LRRTM4: variants seen among roughly 807,000 people sequenced by gnomAD.
The protein encoded by LRRTM4 is leucine rich repeat transmembrane neuronal 4.
A neutral mutation model predicts 47.6 loss-of-function variants in LRRTM4; 25 were observed. The ratio of observed to expected loss-of-function variants is 0.53; its 90% confidence interval spans 0.38 to 0.73. LRRTM4 has a LOEUF of 0.73. LRRTM4 is among the 30% of genes least tolerant of loss of function. The pLI, the probability that LRRTM4 is intolerant of heterozygous loss-of-function variation, is 0.00. For missense variants in LRRTM4, 638 were observed against 713.4 expected (o/e 0.89, Z 1.20); for synonymous variants, 311 against 269.5 (o/e 1.15, Z -1.51).
intron 3 of LRRTM4, among the ~76,000 whole-genome samples, chr2:76,893,190 C>T (rs769794051): frequency 2.6e-5 from 4 of 151,506 alleles, no homozygotes; most frequent in Non-Finnish European, 1.5e-5. Flanking sequence ...CCATTAGTTA[C>T]ATTTTGTATT....
chr2:77,520,253 G>A (rs1208567094), intron 2 of LRRTM4, among the ~76,000 whole-genome samples: 1 of 151,950 alleles, frequency 6.6e-6, no homozygotes, highest in African/African-American at 2.4e-5. Context: ...CTCTGGTAAG[G>A]GCAAAAATGT....
intron 3 of LRRTM4, among the ~76,000 whole-genome samples, chr2:76,901,125 T>A (rs1026855055): frequency 6.6e-6 from 1 of 152,114 alleles, no homozygotes; most frequent in Non-Finnish European, 1.5e-5. Context: ...CCATGGTGGT[T>A]TGCTGCACCT....
intron 3 of LRRTM4, among the ~76,000 whole-genome samples, chr2:77,098,454 GAA>G (rs932722023): frequency 6.6e-6 from 1 of 151,820 alleles, no homozygotes; most frequent in African/African-American, 2.4e-5. Context: ...ATCCTCATAA[GAA>G]AAAATAAATT....
At chr2:76,778,731 T>A in intron 3 of LRRTM4, among the ~76,000 whole-genome samples, 1 of 151,200 alleles carries the variant, frequency 6.6e-6, no homozygotes, top group African/African-American at 2.4e-5. Flanking sequence ...TCATTAATTT[T>A]TTGAAGGGTT....
At chr2:76,852,317 C>A (rs944407458) in intron 3 of LRRTM4, among the ~76,000 whole-genome samples, 2 of 152,142 alleles carry the variant, frequency 1.3e-5, no homozygotes, top group African/African-American at 4.8e-5. Context: ...CAGCTTCGTA[C>A]CATCCTTGAA....
chr2:77,169,919 G>A (rs546107867), intron 3 of LRRTM4, among the ~76,000 whole-genome samples: 15 of 152,180 alleles, frequency 9.9e-5, no homozygotes, highest in African/African-American at 3.4e-4. Flanking sequence ...GTTGTGCGTT[G>A]TTGCTGCTAT....
intron 3 of LRRTM4, among the ~76,000 whole-genome samples, chr2:77,141,043 C>T (rs1169530767): frequency 3.3e-5 from 5 of 152,104 alleles, no homozygotes; most frequent in Non-Finnish European, 7.3e-5. Context: ...ACTAGTTCAA[C>T]CATTGTGGAA....
chr2:76,803,176 A>C (rs1462198304), intron 3 of LRRTM4, among the ~76,000 whole-genome samples: 1 of 152,154 alleles, frequency 6.6e-6, no homozygotes. Flanking sequence ...CTCCAGGATA[A>C]AAGTATTTGC....
At chr2:77,021,207 T>A (rs1301121472) in intron 3 of LRRTM4, among the ~76,000 whole-genome samples, 7 of 149,682 alleles carry the variant, frequency 4.7e-5, no homozygotes, top group Non-Finnish European at 1.0e-4. Context: ...TATATATCAG[T>A]GATGTATATA....
chr2:77,053,744 A>G (rs1034742576), intron 3 of LRRTM4, among the ~76,000 whole-genome samples: 4 of 152,240 alleles, frequency 2.6e-5, no homozygotes, highest in Admixed American at 2.6e-4. Context: ...AGGTCACAAT[A>G]TAAAACTGAA....
At chr2:77,497,889 T>C (rs1240093880) in intron 3 of LRRTM4, among the ~76,000 whole-genome samples, 1 of 151,656 alleles carries the variant, frequency 6.6e-6, no homozygotes, top group Non-Finnish European at 1.5e-5. Context: ...GAGCACTCAC[T>C]ATGTGTCAGA....
chr2:77,089,005 G>A lies in LRRTM4; in HGVS notation c.1552-340089C>T, dbSNP rs180871400. Among the ~76,000 whole-genome samples the A allele has an allele frequency of 5.1e-4, 78 of 152,128 alleles. No individual in the cohort carries two copies. The East Asian group carries it at 0.011, about 21-fold the overall frequency. ...GACCCAAAACTCCGGCGCCGGTCAC[G>A]GACTGGGAAGGCAGCCTTCCCTTGG... On this transcript the variant is annotated intron_variant, in intron 3 of 3. Coordinates refer to ENST00000409884, the MANE Select transcript of LRRTM4 (RefSeq NM_001134745.3).
intron 3 of LRRTM4, among the ~76,000 whole-genome samples, chr2:77,514,384 AG>A (rs143450699): frequency 0.057 from 8,658 of 152,100 alleles, 268 homozygotes; most frequent in Middle Eastern, 0.1. Flanking sequence ...ACTTTATACC[AG>A]TTGTTTGAAC....
At chr2:77,073,210 T>C (rs546639697) in intron 3 of LRRTM4, among the ~76,000 whole-genome samples, 41 of 152,226 alleles carry the variant, frequency 2.7e-4, no homozygotes, top group South Asian at 6.2e-4. Flanking sequence ...ATAGTTTACA[T>C]ATTCATAGAA....
At position 77,249,063 on chromosome 2, in the gene LRRTM4, T is replaced by C. The variant is rs112454449; in HGVS notation, c.1551+269255A>G. Among the ~76,000 whole-genome samples the C allele has an allele frequency of 1.7e-3, 263 of 152,130 alleles. 1 individual carries two copies. Among genetic ancestry groups the C allele is most frequent in the African/African-American group, 5.7e-3 (236 of 41,502 alleles). On this transcript the variant is annotated intron_variant, in intron 3 of 3. Coordinates refer to ENST00000409884, the MANE Select transcript of LRRTM4 (RefSeq NM_001134745.3). ...ACTGAAATTCATTAAAATTAAAAAT[T>C]TGGGGGCCTGGCGCGGTGGCTCATG...
chr2:77,229,876 A>T (rs575237076), intron 3 of LRRTM4, among the ~76,000 whole-genome samples: 6 of 152,092 alleles, frequency 3.9e-5, no homozygotes, highest in Admixed American at 2.6e-4. Flanking sequence ...TTGTCATTAA[A>T]TTTTTTCTAT....
chr2:76,782,214 C>T (rs1674434430), intron 3 of LRRTM4, among the ~76,000 whole-genome samples: 1 of 152,302 alleles, frequency 6.6e-6, no homozygotes, highest in Admixed American at 6.5e-5. Flanking sequence ...GATGTTGCTG[C>T]AGCGATGGCT....
intron 3 of LRRTM4, among the ~76,000 whole-genome samples, chr2:77,076,974 CAATA>C (rs1429228238): frequency 6.6e-6 from 1 of 152,066 alleles, no homozygotes; most frequent in African/African-American, 2.4e-5. Context: ...ACATCAACAA[CAATA>C]AAAATGCAGC....
intron 3 of LRRTM4, among the ~76,000 whole-genome samples, chr2:77,073,987 GTTC>G (rs560849608): frequency 4.6e-5 from 7 of 151,716 alleles, no homozygotes; most frequent in Non-Finnish European, 1.0e-4. Context: ...GTTCTACATG[GTTC>G]TTCTTATAAA....
Sources: allele counts gnomAD v4.1 joint callset (sites outside exome capture counted in the v4.1 genomes callset), GRCh38; gene constraint gnomAD v4.1.1; transcripts MANE v1.5; gene names NCBI Gene and HGNC (gene_info 2026-07-23, HGNC 2026-07-21).